Variants in ABCD3 observed in about 807,000 individuals in gnomAD.
The protein encoded by ABCD3 is ATP binding cassette subfamily D member 3, also known as ATP-binding cassette sub-family D member 3.
Under a neutral mutation model 105.5 loss-of-function variants are expected in ABCD3, and 41 were observed. The observed-to-expected ratio is 0.39, with a 90% confidence interval of 0.30 to 0.50. The LOEUF (loss-of-function observed/expected upper bound fraction) is 0.50. ABCD3 is among the 20% of genes least tolerant of loss of function. ABCD3 has a pLI of 0.84. For synonymous variants in ABCD3, 258 were observed against 269.0 expected (o/e 0.96, Z 0.40); for missense variants, 622 against 806.3 (o/e 0.77, Z 2.77).
At position 94,423,146 on chromosome 1, in the gene ABCD3, T is replaced by C. The variant is rs1276390415; in HGVS notation, c.110+4558T>C. 2.6e-5 allele frequency among the ~76,000 whole-genome samples: 4 copies of C among 152,236 alleles called. No individual in the cohort carries two copies. In the East Asian group the frequency reaches 7.7e-4, roughly 29 times the overall value. ...TACTCATACCTAGAATATCTTTCTA[T>C]GATATCCCTGTTCTCCAACTCTTGT... On this transcript the variant is annotated intron_variant, in intron 1 of 22. Transcript: ENST00000370214.
intron 1 of ABCD3, among the ~76,000 whole-genome samples, chr1:94,444,569 G>A (rs1015943898): frequency 6.6e-6 from 1 of 152,136 alleles, no homozygotes; most frequent in Non-Finnish European, 1.5e-5. Context: ...CACTGCTTTA[G>A]TTGGAGCCTA....
chr1:94,435,633 T>C (rs576624626), intron 1 of ABCD3, among the ~76,000 whole-genome samples: 17 of 152,224 alleles, frequency 1.1e-4, no homozygotes, highest in Admixed American at 7.2e-4. Flanking sequence ...GCTTGCAATA[T>C]GGTGATATTT....
Position 94,517,446 on chromosome 1 carries a change from C to T in ABCD3, c.*317C>T, listed in dbSNP as rs1221023930. 1.7e-5 allele frequency: 5 copies of T among 295,740 alleles called. No individual in the cohort carries two copies. Among genetic ancestry groups the T allele is most frequent in the East Asian group, 9.0e-5 (1 of 11,094 alleles). 18.3% of individuals were successfully genotyped at this position (295,740 alleles called of 1,614,324 possible). On this transcript the variant is annotated 3_prime_UTR_variant, in exon 23 of 23. Transcript: ENST00000370214. Reference sequence around the variant, plus strand: ...GATTCATCCTGGGATGTAAACCATTCGAAGTCAGCTAATTGGACTTTTATG... The same window carrying T: ...GATTCATCCTGGGATGTAAACCATTTGAAGTCAGCTAATTGGACTTTTATG...
intron 2 of ABCD3, among the ~76,000 whole-genome samples, chr1:94,462,286 G>A (rs945879681): frequency 1.3e-5 from 2 of 152,092 alleles, no homozygotes. Context: ...TTGGAAGTGG[G>A]AAAAGTTCAT....
intron 2 of ABCD3, among the ~76,000 whole-genome samples, chr1:94,459,832 T>C (rs1647780523): frequency 6.6e-6 from 1 of 152,218 alleles, no homozygotes; most frequent in Admixed American, 6.5e-5. Context: ...TTACCTGTTC[T>C]GGACATTTCA....
chr1:94,436,163 G>A (rs1659894049), intron 1 of ABCD3, among the ~76,000 whole-genome samples: 1 of 152,192 alleles, frequency 6.6e-6, no homozygotes, highest in Non-Finnish European at 1.5e-5. Context: ...TAGGTTGGCA[G>A]TTGTTTCTAG....
Position 94,487,792 on chromosome 1 carries a change from G to T in ABCD3, c.1065+1G>T. On this transcript the variant is annotated splice_donor_variant, in intron 12 of 22. Coordinates refer to ENST00000370214, the MANE Select transcript of ABCD3 (RefSeq NM_002858.4). LOFTEE classifies it high-confidence loss of function. The stretch of plus-strand genomic sequence containing the variant: ...GAGTACACATTCGGAACTTCTAGAG[G>T]TAAACTGATGATAATACAATGAAAA... 6.2e-7 allele frequency: 1 copy of T among 1,613,214 alleles called. No individual in the cohort carries two copies. The highest frequency in any genetic ancestry group is 8.5e-7 in the Non-Finnish European group (1 of 1,179,348).
At chr1:94,394,406 A>G in the ABCD3 span, among the ~76,000 whole-genome samples, 1 of 152,230 alleles carries the variant, frequency 6.6e-6, no homozygotes, top group Non-Finnish European at 1.5e-5. Context: ...CTTTGCTGAT[A>G]GAAATGGAGA....
intron 1 of ABCD3, 88 bp downstream of exon 1, chr1:94,418,676 T>C (rs1253212409): frequency 1.6e-5 from 22 of 1,390,798 alleles, no homozygotes; most frequent in Non-Finnish European, 2.0e-6. Context: ...GACAGGTCTC[T>C]TTGCCCGACG....
At chr1:94,442,455 A>T (rs539691817) in intron 1 of ABCD3, among the ~76,000 whole-genome samples, 1 of 152,312 alleles carries the variant, frequency 6.6e-6, no homozygotes, top group East Asian at 1.9e-4. Context: ...TATAATTTTT[A>T]AAATAGTCTT....
At chr1:94,473,282 G>A (rs1421235999) in intron 4 of ABCD3, among the ~76,000 whole-genome samples, 1 of 152,038 alleles carries the variant, frequency 6.6e-6, no homozygotes, top group African/African-American at 2.4e-5. Context: ...GAGCCCTTAG[G>A]GTGCACAAAG....
rs1007435064 is a variant in ABCD3 at position 94,472,235 on chromosome 1, C to T, written c.336-1531C>T. Reference sequence around the variant, plus strand: ...CCATTTTTTAAATTTATAGCTGCTACTCCAATGGTAAACCATTGCTGAATG... The same window carrying T: ...CCATTTTTTAAATTTATAGCTGCTATTCCAATGGTAAACCATTGCTGAATG... On this transcript the variant is annotated intron_variant, in intron 4 of 22. Transcript: ENST00000370214. The T allele has an allele frequency of 5.1e-6, 5 of 980,212 alleles. No individual in the cohort carries two copies. In the African/African-American group the frequency reaches 8.8e-5, roughly 17 times the overall value. 60.7% of individuals were successfully genotyped at this position (980,212 alleles called of 1,614,324 possible).
the ABCD3 span, among the ~76,000 whole-genome samples, chr1:94,397,689 T>A: frequency 6.6e-6 from 1 of 151,924 alleles, no homozygotes; most frequent in African/African-American, 2.4e-5. Context: ...AAAATTACTA[T>A]TTTTTTTCCT....
intron 4 of ABCD3, among the ~76,000 whole-genome samples, chr1:94,468,346 T>A (rs1291804110): frequency 6.6e-6 from 1 of 152,216 alleles, no homozygotes; most frequent in Non-Finnish European, 1.5e-5. Context: ...CAAGTTGGAT[T>A]TTTGAAATTA....
intron 1 of ABCD3, among the ~76,000 whole-genome samples, chr1:94,450,821 T>C (rs980679158): frequency 6.6e-6 from 1 of 152,230 alleles, no homozygotes; most frequent in Non-Finnish European, 1.5e-5. Context: ...TTAGAAGTTA[T>C]TCTCTTTTTT....
At chr1:94,404,124 G>C in the ABCD3 span, among the ~76,000 whole-genome samples, 1 of 152,064 alleles carries the variant, frequency 6.6e-6, no homozygotes, top group Non-Finnish European at 1.5e-5. Flanking sequence ...ATCCCCCTCA[G>C]AATTCTTTTT....
upstream of ABCD3, among the ~76,000 whole-genome samples, chr1:94,416,121 T>C (rs951898736): frequency 2.6e-5 from 4 of 152,222 alleles, no homozygotes; most frequent in Admixed American, 2.6e-4. Context: ...TCTAGACTGT[T>C]TTTGACTAAT....
At chr1:94,513,373 CTG>C (rs1195255328) in intron 21 of ABCD3, 1 of 152,012 alleles carries the variant, frequency 6.6e-6, no homozygotes, top group East Asian at 1.9e-4. Flanking sequence ...CCACATAAGA[CTG>C]TATAAATTCT....
At chr1:94,514,229 A>G (rs978208862) in intron 21 of ABCD3, 1 of 151,994 alleles carries the variant, frequency 6.6e-6, no homozygotes, top group Non-Finnish European at 1.5e-5. Flanking sequence ...GTTAATTCCT[A>G]GTTGGGCAGG....
Sources: gnomAD v4.1 joint callset for allele counts (sites outside exome capture counted in the v4.1 genomes callset) on GRCh38, gnomAD v4.1.1 for gene constraint, MANE v1.5 for transcripts, NCBI Gene and HGNC (gene_info 2026-07-23, HGNC 2026-07-21) for gene names.